OR8K3: variants seen among roughly 807,000 people sequenced by gnomAD.
The protein encoded by OR8K3 is olfactory receptor 8K3.
For missense variants in OR8K3, 448 were observed against 367.4 expected (o/e 1.22, Z -1.79); for synonymous variants, 167 against 138.8 (o/e 1.20, Z -1.43).
Position 56,319,251 on chromosome 11 carries a change from G to A in OR8K3, c.*6G>A, listed in dbSNP as rs1416451519. On this transcript the variant is annotated 3_prime_UTR_variant, in exon 3 of 3. Transcript: ENST00000641662. Reference sequence around the variant, plus strand: ...TATGTAATATTTTTGTTTAAATTTTGTACAATATGATTCCTATAAATTAGG... The same window carrying A: ...TATGTAATATTTTTGTTTAAATTTTATACAATATGATTCCTATAAATTAGG... 2.0e-6 allele frequency: 3 copies of A among 1,509,230 alleles called. No individual in the cohort carries two copies. The highest frequency in any genetic ancestry group is 2.3e-5 in the East Asian group (1 of 43,660). 93.5% of individuals were successfully genotyped at this position (1,509,230 alleles called of 1,614,324 possible).
intron 1 of OR8K3, among the ~76,000 whole-genome samples, chr11:56,315,631 A>G (rs1398515838): frequency 1.3e-5 from 2 of 152,078 alleles, no homozygotes; most frequent in African/African-American, 2.4e-5. Flanking sequence ...CCCCTTAACA[A>G]TAATTTAACA....
chr11:56,318,806 CCTTCTGTGGCTACAA>C lies in OR8K3; in HGVS notation c.502_516del (p.Phe168_Asn172del). 6.2e-7 allele frequency: 1 copy of C among 1,614,006 alleles called. No individual in the cohort carries two copies. Among genetic ancestry groups the C allele is most frequent in the East Asian group, 2.2e-5 (1 of 44,866 alleles). ...GTCACCATAAAGATTTTTACTTTATCCTTCTGTGGCTACAACGTCATTAGTCATTTCTACTGTGAC... is the reference window on the plus strand; with the variant it reads ...GTCACCATAAAGATTTTTACTTTATCCGTCATTAGTCATTTCTACTGTGAC... On this transcript the variant is annotated inframe_deletion, in exon 3 of 3. Transcript: ENST00000641662.
rs917540421 is a variant in OR8K3, at chr11:56,316,040, T to C, written c.-41T>C. The C allele has an allele frequency of 6.6e-6, 1 of 152,048 alleles. No homozygotes were observed. The highest frequency in any genetic ancestry group is 2.4e-5 in the African/African-American group (1 of 41,450). 9.4% of individuals were successfully genotyped at this position (152,048 alleles called of 1,614,324 possible). On this transcript the variant is annotated 5_prime_UTR_variant, in exon 2 of 3. Coordinates refer to ENST00000641662, the MANE Select transcript of OR8K3 (RefSeq NM_001005202.2). ...GAAAGGAACCTCATTTATATTTCCT[T>C]ACCTAACAAGAAAACAGGTACTTAT...
rs778032290 is a variant in OR8K3, at chr11:56,319,318, T to C, written c.*73T>C. On this transcript the variant is annotated 3_prime_UTR_variant, in exon 3 of 3. Transcript: ENST00000641662. The stretch of plus-strand genomic sequence containing the variant: ...TTGCTCTGCATACTTCCAGAAGACA[T>C]AACAAGCATAACTGATTCAACATAT... 2.8e-6 allele frequency: 2 copies of C among 721,298 alleles called. No individual in the cohort carries two copies. The highest frequency in any genetic ancestry group is 4.7e-6 in the Non-Finnish European group (2 of 428,998). 44.7% of individuals were successfully genotyped at this position (721,298 alleles called of 1,614,324 possible). A position where few individuals can be genotyped will look rare whatever the true frequency, so the allele number is the denominator to read the frequency against.
Position 56,319,179 on chromosome 11 carries a change from AC to A in OR8K3, c.874del (p.Arg292GlufsTer5), listed in dbSNP as rs752771364. 1.6e-5 allele frequency: 26 copies of A among 1,613,284 alleles called. No homozygotes were observed. The highest frequency in any genetic ancestry group is 2.0e-5 in the Non-Finnish European group (24 of 1,179,356). On this transcript the variant is annotated frameshift_variant, in exon 3 of 3. Coordinates refer to ENST00000641662, the MANE Select transcript of OR8K3 (RefSeq NM_001005202.2). LOFTEE classifies it low-confidence loss of function (END_TRUNC). ...TGTTGAATCCCTTGATCTATAGTTT[AC>A]GAAACAAAGATGTAAAATATGCCCT... Reference protein sequence around the residue: ...PMLNPLIYSLRNKDVKYALRR... With the variant: ...PMLNPLIYSLXNKDVKYALRR...
chr11:56,319,063 A>T lies in OR8K3; in HGVS notation c.757A>T (p.Thr253Ser), dbSNP rs1233134697. Residue 253 changes from threonine (T) to serine (S), a missense_variant, in exon 3 of 3, where the codon ACT becomes TCT. By Grantham distance (58) the Thr-to-Ser change is moderately conservative. Coordinates refer to ENST00000641662, the MANE Select transcript of OR8K3 (RefSeq NM_001005202.2). ...GACAGTGGTCATAGTGTTCTATGGGACTTTGCTTTTCATGTACGTGCAGCC... is the reference window on the plus strand; with the variant it reads ...GACAGTGGTCATAGTGTTCTATGGGTCTTTGCTTTTCATGTACGTGCAGCC... Reference protein sequence around the residue: ...HLTVVIVFYGTLLFMYVQPKS... With the variant: ...HLTVVIVFYGSLLFMYVQPKS... The T allele has an allele frequency of 1.2e-6, 2 of 1,613,910 alleles. No individual in the cohort carries two copies. Among genetic ancestry groups the T allele is most frequent in the South Asian group, 2.2e-5 (2 of 91,082 alleles).
chr11:56,315,469 C>A (rs1854430640), intron 1 of OR8K3, among the ~76,000 whole-genome samples: 1 of 151,964 alleles, frequency 6.6e-6, no homozygotes, highest in Non-Finnish European at 1.5e-5. Flanking sequence ...ACATATTTTT[C>A]TCTAATTGAG....
chr11:56,315,224 T>C (rs925242995), intron 1 of OR8K3, 57 bp downstream of exon 1: 7 of 152,216 alleles, frequency 4.6e-5, no homozygotes, highest in African/African-American at 1.7e-4. Flanking sequence ...CAGATATCTA[T>C]AATGCTTCAG....
At chr11:56,315,569 C>T (rs1489431553) in intron 1 of OR8K3, among the ~76,000 whole-genome samples, 1 of 152,042 alleles carries the variant, frequency 6.6e-6, no homozygotes, top group Non-Finnish European at 1.5e-5. Context: ...TTTGGTCAGT[C>T]ATGTTCATGT....
In OR8K3 at chr11:56,318,804, A is replaced by C; in HGVS notation, c.498A>C (p.Leu166Phe). The change falls in exon 3 of 3, where the codon TTA becomes TTC. Residue 166 changes from leucine (L) to phenylalanine (F), a missense_variant. Coordinates refer to ENST00000641662, the MANE Select transcript of OR8K3 (RefSeq NM_001005202.2). ...TAGTCACCATAAAGATTTTTACTTT[A>C]TCCTTCTGTGGCTACAACGTCATTA... is the stretch of plus-strand genomic sequence containing the variant. ...SLLVTIKIFTLSFCGYNVISH... is the reference protein window; with the variant it reads ...SLLVTIKIFTFSFCGYNVISH... 6.2e-7 allele frequency: 1 copy of C among 1,614,080 alleles called. No individual in the cohort carries two copies. The highest frequency in any genetic ancestry group is 8.5e-7 in the Non-Finnish European group (1 of 1,179,974).
intron 2 of OR8K3, among the ~76,000 whole-genome samples, 187 bp from the exon 3 acceptor site, chr11:56,318,097 A>T (rs1854468580): frequency 6.6e-6 from 1 of 152,178 alleles, no homozygotes. Context: ...ATCAAAAGCA[A>T]CTGAAAACTG....
chr11:56,318,755 T>C lies in OR8K3; in HGVS notation c.449T>C (p.Leu150Pro), dbSNP rs939083986. ...VCQVLVAIPY[L>P]YCTFISLLVT... Reference sequence around the variant, plus strand: ...CAGGTGCTGGTAGCAATCCCTTACCTCTATTGCACATTCATTTCTCTTCTA... The same window carrying C: ...CAGGTGCTGGTAGCAATCCCTTACCCCTATTGCACATTCATTTCTCTTCTA... Residue 150 changes from leucine to proline, a missense_variant, in exon 3 of 3, where the codon CTC (leucine) becomes CCC (proline). Transcript: ENST00000641662. The C allele has an allele frequency of 1.9e-6, 3 of 1,613,488 alleles. No individual in the cohort carries two copies. Among genetic ancestry groups the C allele is most frequent in the Admixed American group, 1.7e-5 (1 of 59,988 alleles).
chr11:56,316,553 G>T (rs746499158), intron 2 of OR8K3, among the ~76,000 whole-genome samples: 69 of 151,844 alleles, frequency 4.5e-4, no homozygotes, highest in Admixed American at 9.2e-4. Context: ...TTATACATAT[G>T]TTAATTTGTA....
intron 2 of OR8K3, among the ~76,000 whole-genome samples, chr11:56,317,367 C>T (rs751446701): frequency 1.3e-5 from 2 of 152,084 alleles, no homozygotes; most frequent in Non-Finnish European, 2.9e-5. Context: ...AGATAACTTA[C>T]ACTATTTGCC....
intron 2 of OR8K3, among the ~76,000 whole-genome samples, chr11:56,317,895 A>G (rs1431910555): frequency 6.6e-6 from 1 of 152,060 alleles, no homozygotes; most frequent in Non-Finnish European, 1.5e-5. Flanking sequence ...CTATTCATGT[A>G]TCTCATCAGA....
intron 1 of OR8K3, among the ~76,000 whole-genome samples, 159 bp from the exon 2 acceptor site, chr11:56,315,841 T>C (rs1854436223): frequency 6.6e-6 from 1 of 151,688 alleles, no homozygotes; most frequent in Non-Finnish European, 1.5e-5. Context: ...AAGTACCCAG[T>C]TTTAGGGAAC....
chr11:56,318,198 G>T (rs1323608155), intron 2 of OR8K3, 86 bp from the exon 3 acceptor site: 5 of 639,724 alleles, frequency 7.8e-6, no homozygotes, highest in Non-Finnish European at 1.4e-5. Flanking sequence ...TGAAATTTAG[G>T]TATATCTTCT....
In OR8K3 at chr11:56,319,806, A is replaced by G. The variant is rs1854500704; in HGVS notation, c.*561A>G. ...TCGAATAATTACTATTCCGAATATT[A>G]GGATCCTACTATTTCCTTATCAATG... On this transcript the variant is annotated 3_prime_UTR_variant, in exon 3 of 3. Coordinates refer to ENST00000641662, the MANE Select transcript of OR8K3 (RefSeq NM_001005202.2). The G allele has an allele frequency of 6.6e-6, 1 of 152,642 alleles. No homozygotes were observed. Among genetic ancestry groups the G allele is most frequent in the Non-Finnish European group, 1.5e-5 (1 of 68,354 alleles). The allele number at this position is 152,642 out of a possible 1,614,324, so 9.5% of individuals were successfully genotyped here. A position where few individuals can be genotyped will look rare whatever the true frequency, so the allele number is the denominator to read the frequency against.
At chr11:56,315,730 T>C (rs1312893062) in intron 1 of OR8K3, among the ~76,000 whole-genome samples, 1 of 151,678 alleles carries the variant, frequency 6.6e-6, no homozygotes, top group Non-Finnish European at 1.5e-5. Flanking sequence ...TACATTCGAA[T>C]GTGAAAAGCA....
Sources: allele counts gnomAD v4.1 joint callset (sites outside exome capture counted in the v4.1 genomes callset), GRCh38; gene constraint gnomAD v4.1.1; transcripts MANE v1.5; gene names NCBI Gene and HGNC (gene_info 2026-07-23, HGNC 2026-07-21).